Variants in LARGE1 observed in about 807,000 individuals in gnomAD.
LARGE1 encodes xylosyl- and glucuronyltransferase LARGE1.
LARGE1 carries 43 observed loss-of-function variants against 87.6 expected under a neutral mutation model. The observed-to-expected ratio is 0.49, with a 90% CI of 0.38 to 0.63. The LOEUF (loss-of-function observed/expected upper bound fraction) is 0.63. LARGE1 is among the 30% of genes least tolerant of loss of function. The pLI is 0.00. For missense variants in LARGE1, 802 were observed against 1,000.2 expected, an observed-to-expected ratio of 0.80 and a Z score of 2.67; for synonymous variants, 434 against 394.6, an observed-to-expected ratio of 1.10 and a Z score of -1.18.
chr22:33,258,943 T>C (rs1274696997), intron 11 of LARGE1, among the ~76,000 whole-genome samples: 1 of 151,592 alleles, frequency 6.6e-6, no homozygotes, highest in East Asian at 1.9e-4. Flanking sequence ...AGTGGCACGA[T>C]CTTGGCTCAC....
chr22:33,884,473 AG>A (rs1381953850), intron 1 of LARGE1, among the ~76,000 whole-genome samples: 1 of 152,236 alleles, frequency 6.6e-6, no homozygotes, highest in Non-Finnish European at 1.5e-5. Context: ...GCCCACGCAA[AG>A]GGCCTGACTA....
intron 1 of LARGE1, among the ~76,000 whole-genome samples, chr22:33,870,825 C>T (rs1388629023): frequency 1.3e-5 from 2 of 152,186 alleles, no homozygotes; most frequent in African/African-American, 4.8e-5. Context: ...ACCTTGGCCT[C>T]CCAAAGTGCT....
intron 9 of LARGE1, among the ~76,000 whole-genome samples, chr22:33,356,890 T>C (rs757186484): frequency 6.6e-6 from 1 of 152,200 alleles, no homozygotes; most frequent in Non-Finnish European, 1.5e-5. Context: ...ATGGAAACTA[T>C]TCCCAGAGAA....
At chr22:33,408,126 G>A (rs757462277) in intron 7 of LARGE1, among the ~76,000 whole-genome samples, 26 of 151,898 alleles carry the variant, frequency 1.7e-4, no homozygotes, top group Non-Finnish European at 3.1e-4. Flanking sequence ...GATTACAGGC[G>A]TGCAACACCA....
At chr22:33,781,466 A>C (rs1245832168) in intron 1 of LARGE1, among the ~76,000 whole-genome samples, 1 of 152,210 alleles carries the variant, frequency 6.6e-6, no homozygotes, top group African/African-American at 2.4e-5. Context: ...GCACCACTGC[A>C]TTCCAGCCTG....
intron 2 of LARGE1, among the ~76,000 whole-genome samples, chr22:33,691,717 A>G (rs1351176133): frequency 1.3e-5 from 2 of 152,136 alleles, no homozygotes; most frequent in African/African-American, 4.8e-5. Flanking sequence ...GAATCCACTT[A>G]ACAATTAGCC....
chr22:33,571,192 T>C lies in LARGE1; in HGVS notation c.616-6173A>G, dbSNP rs573705620. Among the ~76,000 whole-genome samples the C allele has an allele frequency of 7.2e-5, 11 of 152,296 alleles. No individual in the cohort carries two copies. In the South Asian group the frequency reaches 2.3e-3, roughly 32 times the overall value. ...CCAAGATTATCACCTAATTCACTTA[T>C]GTAAAGGGAGCACAGGCAACCCCAG... is the stretch of plus-strand genomic sequence containing the variant. On this transcript the variant is annotated intron_variant, in intron 5 of 14. Coordinates refer to ENST00000397394, the MANE Select transcript of LARGE1 (RefSeq NM_133642.5).
At chr22:33,869,457 C>T (rs747294182) in intron 1 of LARGE1, among the ~76,000 whole-genome samples, 17 of 152,170 alleles carry the variant, frequency 1.1e-4, no homozygotes, top group African/African-American at 3.6e-4. Context: ...TCTGAAAAAT[C>T]GAAGCCTCCT....
chr22:33,692,404 A>G (rs1456700158), intron 2 of LARGE1, among the ~76,000 whole-genome samples: 1 of 152,152 alleles, frequency 6.6e-6, no homozygotes, highest in African/African-American at 2.4e-5. Context: ...TCCACCTCCC[A>G]GGTTCAAGTG....
At chr22:33,780,997 C>T (rs555024731) in intron 1 of LARGE1, among the ~76,000 whole-genome samples, 1 of 152,212 alleles carries the variant, frequency 6.6e-6, no homozygotes, top group Non-Finnish European at 1.5e-5. Flanking sequence ...CACAAAGCTG[C>T]CCCGCCTTAG....
intron 11 of LARGE1, among the ~76,000 whole-genome samples, chr22:33,177,646 A>G (rs1242195999): frequency 6.6e-6 from 1 of 152,220 alleles, no homozygotes; most frequent in Non-Finnish European, 1.5e-5. Flanking sequence ...GATAAAGAAG[A>G]AATATTTGAG....
intron 3 of LARGE1, among the ~76,000 whole-genome samples, chr22:33,642,971 C>G (rs906244881): frequency 6.6e-6 from 1 of 152,084 alleles, no homozygotes; most frequent in Non-Finnish European, 1.5e-5. Flanking sequence ...ACCCCATTGT[C>G]AGTATTAGAC....
intron 6 of LARGE1, among the ~76,000 whole-genome samples, chr22:33,543,244 C>T (rs929596220): frequency 6.6e-6 from 1 of 151,590 alleles, no homozygotes; most frequent in African/African-American, 2.4e-5. Flanking sequence ...GATGGTGAGC[C>T]CAAGTAGTAC....
chr22:33,563,009 T>G (rs558107910), intron 6 of LARGE1: 8 of 152,782 alleles, frequency 5.2e-5, no homozygotes, highest in African/African-American at 1.9e-4. Context: ...AAAATCAGCC[T>G]GTGAGGCAGT....
At chr22:33,832,144 G>A (rs1166862391) in intron 1 of LARGE1, among the ~76,000 whole-genome samples, 1 of 152,166 alleles carries the variant, frequency 6.6e-6, no homozygotes, top group East Asian at 1.9e-4. Context: ...TCTTACTGGA[G>A]TACCTTCAGC....
chr22:33,497,076 T>C (rs956058250), intron 6 of LARGE1, among the ~76,000 whole-genome samples: 16 of 150,598 alleles, frequency 1.1e-4, no homozygotes, highest in East Asian at 1.9e-4. Flanking sequence ...CTTTTCTTTT[T>C]TTTTTTTTTT....
chr22:33,219,991 C>G (rs551887987), intron 11 of LARGE1, among the ~76,000 whole-genome samples: 4 of 152,320 alleles, frequency 2.6e-5, no homozygotes, highest in African/African-American at 9.6e-5. Flanking sequence ...AAGAAAAATA[C>G]TTTCTCATAA....
intron 8 of LARGE1, among the ~76,000 whole-genome samples, chr22:33,383,654 T>C (rs1047834615): frequency 1.3e-5 from 2 of 152,222 alleles, no homozygotes; most frequent in African/African-American, 4.8e-5. Flanking sequence ...GGTGGTTTTC[T>C]TGCAGTTTAT....
chr22:33,798,066 A>G (rs1208493557), intron 1 of LARGE1, among the ~76,000 whole-genome samples: 1 of 152,200 alleles, frequency 6.6e-6, no homozygotes, highest in South Asian at 2.1e-4. Flanking sequence ...TGAGGTCAAG[A>G]GTTTGAGACC....
Sources: allele counts gnomAD v4.1 joint callset (sites outside exome capture counted in the v4.1 genomes callset), GRCh38; gene constraint gnomAD v4.1.1; transcripts MANE v1.5; gene names NCBI Gene and HGNC (gene_info 2026-07-23, HGNC 2026-07-21).